EFCAB11: variants seen among roughly 807,000 people sequenced by gnomAD.
EFCAB11 encodes the protein EF-hand calcium binding domain 11.
EFCAB11 carries 14 observed loss-of-function variants against 23.0 expected under a neutral mutation model. The ratio of observed to expected loss-of-function variants is 0.61; its 90% confidence interval spans 0.40 to 0.95. The LOEUF is 0.95. Among genes scored for constraint, EFCAB11 ranks in the 40% least tolerant of loss-of-function variants. The pLI, the probability that EFCAB11 is intolerant of heterozygous loss-of-function variation, is 0.00. For missense variants in EFCAB11, 198 were observed against 195.8 expected (o/e 1.01, Z -0.07); for synonymous variants, 65 against 66.6 (o/e 0.98, Z 0.11).
chr14:89,850,546 T>C (rs1221793787), intron 5 of EFCAB11, among the ~76,000 whole-genome samples: 1 of 152,216 alleles, frequency 6.6e-6, no homozygotes, highest in Non-Finnish European at 1.5e-5. Context: ...CTCTGCATAA[T>C]TGTTAACATT....
intron 5 of EFCAB11, among the ~76,000 whole-genome samples, chr14:89,846,003 T>A (rs1222154321): frequency 6.6e-6 from 1 of 152,184 alleles, no homozygotes; most frequent in Non-Finnish European, 1.5e-5. Flanking sequence ...ATTGGCTCCA[T>A]CATTTACAAG....
intron 3 of EFCAB11, among the ~76,000 whole-genome samples, chr14:89,942,998 G>T (rs1566822540): frequency 1.3e-5 from 2 of 152,068 alleles, no homozygotes; most frequent in African/African-American, 4.8e-5. Context: ...CCGGACTCTG[G>T]CCCTTCCTAA....
intron 5 of EFCAB11, among the ~76,000 whole-genome samples, chr14:89,828,123 T>TA (rs1350427910): frequency 6.6e-6 from 1 of 152,208 alleles, no homozygotes; most frequent in Non-Finnish European, 1.5e-5. Context: ...CATAACATTA[T>TA]AATAGGTGTG....
intron 5 of EFCAB11, among the ~76,000 whole-genome samples, chr14:89,818,006 T>C: frequency 6.6e-6 from 1 of 151,284 alleles, no homozygotes; most frequent in Non-Finnish European, 1.5e-5. Context: ...AATAAATAAA[T>C]AAATAAATAA....
chr14:89,954,678 A>G lies in EFCAB11; in HGVS notation c.-18T>C. On this transcript the variant is annotated 5_prime_UTR_variant, in exon 1 of 6. Transcript: ENST00000316738. ...AAGAACATCGCGACTACAACAACCG[A>G]GCCCCAGCAACCCAACCAGCTACCA... 1 of 1,607,888 alleles carries G rather than the reference A, an allele frequency of 6.2e-7. No homozygotes were observed. The highest frequency in any genetic ancestry group is 8.5e-7 in the Non-Finnish European group (1 of 1,178,644).
intron 5 of EFCAB11, among the ~76,000 whole-genome samples, chr14:89,912,632 G>T (rs938940408): frequency 2.0e-5 from 3 of 152,148 alleles, no homozygotes; most frequent in Non-Finnish European, 4.4e-5. Flanking sequence ...TAAAGCCATA[G>T]GAATATTTAA....
chr14:89,885,353 G>T (rs924043095), intron 5 of EFCAB11, among the ~76,000 whole-genome samples: 2 of 152,132 alleles, frequency 1.3e-5, no homozygotes, highest in African/African-American at 4.8e-5. Flanking sequence ...TCCCCAAATT[G>T]ATCTAGTCTA....
At chr14:89,827,097 T>C (rs1252847474) in intron 5 of EFCAB11, among the ~76,000 whole-genome samples, 1 of 152,154 alleles carries the variant, frequency 6.6e-6, no homozygotes, top group East Asian at 1.9e-4. Flanking sequence ...TAGACAGGTA[T>C]TGAAGAACAA....
chr14:89,880,902 C>T (rs899630228), intron 5 of EFCAB11, among the ~76,000 whole-genome samples: 1 of 152,142 alleles, frequency 6.6e-6, no homozygotes, highest in Non-Finnish European at 1.5e-5. Flanking sequence ...TGCCTACATG[C>T]ACATGGAAAG....
chr14:89,856,070 A>G (rs1887741897), intron 5 of EFCAB11, among the ~76,000 whole-genome samples: 1 of 152,202 alleles, frequency 6.6e-6, no homozygotes, highest in South Asian at 2.1e-4. Flanking sequence ...TATTGTGAAT[A>G]ATGCTGCAAT....
rs1171007976 is a variant in EFCAB11 at position 89,953,918 on chromosome 14, G to C, written c.159C>G (p.Tyr53Ter). ...FKTAVVMLFG[Y>*]KPSKIEVDSV... ...AAGAAAGCTCTACCTTGGAGGGCTT[G>C]TACCCAAACAGCATTACAACAGCAG... Residue 53 changes from tyrosine (Y) to a stop codon, truncating the protein, a stop_gained, in exon 2 of 6, where the codon TAC (tyrosine) becomes TAG (stop). Coordinates refer to ENST00000316738, the MANE Select transcript of EFCAB11 (RefSeq NM_145231.4). LOFTEE classifies it high-confidence loss of function. 1 of 1,613,460 alleles carries C rather than the reference G, an allele frequency of 6.2e-7. No individual in the cohort carries two copies.
At chr14:89,852,926 A>T (rs780078777) in intron 5 of EFCAB11, among the ~76,000 whole-genome samples, 3 of 152,016 alleles carry the variant, frequency 2.0e-5, no homozygotes, top group Non-Finnish European at 2.9e-5. Context: ...CCCCAACTCG[A>T]CATTCCTACC....
rs762133417 is a variant in EFCAB11 at position 89,932,514 on chromosome 14, A to G, written c.319+12T>C. 1.2e-6 allele frequency: 2 copies of G among 1,607,434 alleles called. No individual in the cohort carries two copies. Among genetic ancestry groups the G allele is most frequent in the East Asian group, 4.5e-5 (2 of 44,770 alleles). On this transcript the variant is annotated intron_variant, in intron 4 of 5. Coordinates refer to ENST00000316738, the MANE Select transcript of EFCAB11 (RefSeq NM_145231.4). ...AATTTTTTTTACATCAAAACACTTT[A>G]GAGACACTTACAGTAGGTGTCAAAG...
intron 5 of EFCAB11, among the ~76,000 whole-genome samples, chr14:89,862,312 A>ATT (rs150881529): frequency 6.6e-6 from 1 of 151,682 alleles, no homozygotes; most frequent in East Asian, 1.9e-4. Context: ...TACTAAAAGC[A>ATT]TTTTTTTTTA....
At chr14:89,842,359 C>T (rs1223949642) in intron 5 of EFCAB11, among the ~76,000 whole-genome samples, 5 of 152,200 alleles carry the variant, frequency 3.3e-5, no homozygotes, top group East Asian at 1.9e-4. Context: ...GAGGCCGAGG[C>T]AGGTGGATCA....
At chr14:89,842,939 C>T (rs7151993) in intron 5 of EFCAB11, among the ~76,000 whole-genome samples, 109,635 of 152,058 alleles carry the variant, frequency 0.72, 41,178 homozygotes, top group Non-Finnish European at 0.84. Context: ...CAGAGAGACA[C>T]TAATTCGTCC....
chr14:89,868,035 T>C (rs1270412417), intron 5 of EFCAB11, among the ~76,000 whole-genome samples: 1 of 152,214 alleles, frequency 6.6e-6, no homozygotes, highest in Non-Finnish European at 1.5e-5. Context: ...ATTCATTACA[T>C]TGTTGGGCGC....
At chr14:89,839,457 T>A (rs1357223533) in intron 5 of EFCAB11, among the ~76,000 whole-genome samples, 2 of 152,038 alleles carry the variant, frequency 1.3e-5, no homozygotes, top group Non-Finnish European at 2.9e-5. Flanking sequence ...GGTCTCTCTG[T>A]TAGTCTGCCA....
At chr14:89,893,661 ACACTGTTGTGACAT>A (rs1889058753) in intron 5 of EFCAB11, among the ~76,000 whole-genome samples, 1 of 151,980 alleles carries the variant, frequency 6.6e-6, no homozygotes, top group Non-Finnish European at 1.5e-5. Context: ...TTCATTGAGG[ACACTGTTGTGACAT>A]CATAGCCAAG....
Sources: allele counts gnomAD v4.1 joint callset (sites outside exome capture counted in the v4.1 genomes callset), GRCh38; gene constraint gnomAD v4.1.1; transcripts MANE v1.5; gene names NCBI Gene and HGNC (gene_info 2026-07-23, HGNC 2026-07-21).